Variants in RGL1 observed in about 807,000 individuals in gnomAD.
The protein encoded by RGL1 is ral guanine nucleotide dissociation stimulator-like 1.
Under a neutral mutation model 95.2 loss-of-function variants are expected in RGL1, and 24 were observed. That is an observed-to-expected ratio of 0.25 (90% CI 0.18 to 0.35). The LOEUF (loss-of-function observed/expected upper bound fraction) is 0.35, where lower values mean the gene tolerates loss of function less well. Ranked by LOEUF, RGL1 falls within the 10% of genes least tolerant of loss-of-function variation. The probability of loss-of-function intolerance (pLI) is 1.00; values close to 1 mark genes in which losing one functional copy is unlikely to be tolerated. For synonymous variants in RGL1, 329 were observed against 344.9 expected, an observed-to-expected ratio of 0.95 and a Z score of 0.51; for missense variants, 715 against 936.3, an observed-to-expected ratio of 0.76 and a Z score of 3.08.
chr1:183,835,958 A>G (rs891739710), intron 2 of RGL1, among the ~76,000 whole-genome samples: 1 of 152,222 alleles, frequency 6.6e-6, no homozygotes, highest in African/African-American at 2.4e-5. Context: ...GGAATATTCC[A>G]TGATTGAAAG....
chr1:183,858,807 A>T (rs1243887021), intron 3 of RGL1, among the ~76,000 whole-genome samples: 1 of 152,178 alleles, frequency 6.6e-6, no homozygotes, highest in Non-Finnish European at 1.5e-5. Flanking sequence ...CATTTAGATA[A>T]ATTGATATTC....
intron 1 of RGL1, among the ~76,000 whole-genome samples, chr1:183,654,386 A>G (rs1650989079): frequency 1.3e-5 from 2 of 152,232 alleles, no homozygotes; most frequent in African/African-American, 4.8e-5. Context: ...ACTTGTAAAT[A>G]TGGAACTGAA....
chr1:183,693,008 G>T (rs1654046752), intron 1 of RGL1, among the ~76,000 whole-genome samples: 3 of 151,088 alleles, frequency 2.0e-5, no homozygotes, highest in Non-Finnish European at 4.4e-5. Flanking sequence ...AGGCTGGAGT[G>T]CAGTGGCACG....
intron 2 of RGL1, among the ~76,000 whole-genome samples, chr1:183,743,371 C>CAAGAACTTCGA (rs6143516): frequency 0.69 from 105,116 of 151,506 alleles, 36,817 homozygotes; most frequent in East Asian, 0.91. Flanking sequence ...GGTAGCAAAG[C>CAAGAACTTCGA]AACAACTAAG....
At chr1:183,827,737 C>T (rs773668040) in intron 2 of RGL1, among the ~76,000 whole-genome samples, 25 of 152,286 alleles carry the variant, frequency 1.6e-4, no homozygotes, top group South Asian at 8.3e-4. Flanking sequence ...TCATTATTTA[C>T]GTTGGATACA....
intron 2 of RGL1, among the ~76,000 whole-genome samples, chr1:183,809,617 A>G (rs1174702644): frequency 1.3e-5 from 2 of 152,204 alleles, no homozygotes; most frequent in African/African-American, 4.8e-5. Flanking sequence ...ATGTCACAAA[A>G]TTTAAAAAAT....
intron 4 of RGL1, among the ~76,000 whole-genome samples, chr1:183,879,646 G>A (rs140761869): frequency 1.2e-3 from 187 of 152,304 alleles, no homozygotes; most frequent in African/African-American, 4.4e-3. Context: ...TGGGGTAACT[G>A]GTTGCTAGGC....
At chr1:183,698,393 C>G (rs1654380170) in intron 1 of RGL1, among the ~76,000 whole-genome samples, 5 of 152,184 alleles carry the variant, frequency 3.3e-5, no homozygotes, top group Admixed American at 2.0e-4. Flanking sequence ...TGCATTAATT[C>G]TCTTCCCTTT....
At chr1:183,876,718 ATGTGTGTGTGTGTCT>A (rs1000144481) in intron 4 of RGL1, among the ~76,000 whole-genome samples, 1 of 152,082 alleles carries the variant, frequency 6.6e-6, no homozygotes, top group African/African-American at 2.4e-5. Context: ...GTGGGCACAT[ATGTGTGTGTGTGTCT>A]TGTGTGTGTG....
In RGL1 at chr1:183,805,985, T is replaced by C. The variant is rs1572434917; in HGVS notation, c.28-390T>C. Among the ~76,000 whole-genome samples, 14 of 60,946 alleles carry C rather than the reference T, an allele frequency of 2.3e-4. No individual in the cohort carries two copies. In the South Asian group the frequency reaches 5.3e-3, roughly 23 times the overall value. The allele number at this position is 60,946 out of a possible 152,430, so 40.0% of individuals were successfully genotyped here. ...TCTTTTCTTTTCTTTTTTTTTTTTT[T>C]TTTTTTTTTTTTTTTTTTTTTTTTT... is the stretch of plus-strand genomic sequence containing the variant. On this transcript the variant is annotated intron_variant, in intron 1 of 17. Transcript: ENST00000360851.
chr1:183,792,408 G>A (rs186302250), intron 2 of RGL1, among the ~76,000 whole-genome samples: 128 of 152,020 alleles, frequency 8.4e-4, no homozygotes, highest in African/African-American at 3.0e-3. Context: ...GAATCGTCTT[G>A]TTCACAGATG....
chr1:183,705,924 G>A (rs528206862), intron 1 of RGL1, among the ~76,000 whole-genome samples: 2 of 152,230 alleles, frequency 1.3e-5, no homozygotes, highest in East Asian at 3.9e-4. Context: ...TACTGCTTCT[G>A]TGATAGGAAC....
In RGL1 at chr1:183,904,840, T is replaced by C; in HGVS notation, c.1351-10T>C. On this transcript the variant is annotated splice_polypyrimidine_tract_variant and intron_variant, in intron 12 of 17. Coordinates refer to ENST00000360851, the MANE Select transcript of RGL1 (RefSeq NM_001297671.3). ...TTTTTTTTTAATTTTTGGTATTCTG[T>C]CTGCTTTAGGAATTTGAAGTGATTG... The C allele has an allele frequency of 6.3e-7, 1 of 1,592,378 alleles. No homozygotes were observed. The highest frequency in any genetic ancestry group is 8.5e-7 in the Non-Finnish European group (1 of 1,173,426).
chr1:183,774,352 CT>C (rs1432266216), intron 2 of RGL1, among the ~76,000 whole-genome samples: 1 of 152,132 alleles, frequency 6.6e-6, no homozygotes, highest in South Asian at 2.1e-4. Context: ...AAAAAGGGCA[CT>C]GCAGAAATGA....
At chr1:183,895,974 C>G (rs1461979211) in intron 9 of RGL1, among the ~76,000 whole-genome samples, 1 of 152,114 alleles carries the variant, frequency 6.6e-6, no homozygotes, top group Non-Finnish European at 1.5e-5. Context: ...TTCTGTGATT[C>G]TTAGGAGCCT....
At chr1:183,826,343 C>T (rs1662855781) in intron 2 of RGL1, among the ~76,000 whole-genome samples, 1 of 152,200 alleles carries the variant, frequency 6.6e-6, no homozygotes, top group South Asian at 2.1e-4. Context: ...TCCATTTCAG[C>T]TTTACTTCCT....
intron 17 of RGL1, 80 bp downstream of exon 17, chr1:183,922,416 G>C: frequency 1.0e-6 from 1 of 996,104 alleles, no homozygotes; most frequent in Non-Finnish European, 1.6e-6. Flanking sequence ...GCGTTTAGAA[G>C]GCAGAAAACG....
chr1:183,691,008 A>G (rs1653915528), intron 1 of RGL1, among the ~76,000 whole-genome samples: 1 of 152,164 alleles, frequency 6.6e-6, no homozygotes. Flanking sequence ...AGATTTTTGG[A>G]TTTGTAGATT....
intron 1 of RGL1, among the ~76,000 whole-genome samples, chr1:183,701,111 A>G (rs1654573895): frequency 6.6e-6 from 1 of 152,188 alleles, no homozygotes; most frequent in South Asian, 2.1e-4. Flanking sequence ...CTGCAAGATT[A>G]AAGAATCTTT....
Sources: allele counts gnomAD v4.1 joint callset (sites outside exome capture counted in the v4.1 genomes callset), GRCh38; gene constraint gnomAD v4.1.1; transcripts MANE v1.5; gene names NCBI Gene and HGNC (gene_info 2026-07-23, HGNC 2026-07-21).